The following SI variants were observed in gnomAD, a reference collection of about 807,000 sequenced individuals.
SI encodes the protein sucrase-isomaltase.
SI carries 235 observed loss-of-function variants against 253.3 expected under a neutral mutation model. That is an observed-to-expected ratio of 0.93 (90% CI 0.83 to 1.03). The LOEUF (loss-of-function observed/expected upper bound fraction) is 1.03. Ranked by LOEUF, SI falls within the 50% of genes least tolerant of loss-of-function variation. The probability of loss-of-function intolerance (pLI) is 0.00; values close to 1 mark genes in which losing one functional copy is unlikely to be tolerated. For synonymous variants in SI, 819 were observed against 712.0 expected (o/e 1.15, Z -2.39); for missense variants, 2,442 against 2,211.1 (o/e 1.10, Z -2.09).
At chr3:165,004,937 G>A (rs569234959) in intron 37 of SI, among the ~76,000 whole-genome samples, 10 of 152,066 alleles carry the variant, frequency 6.6e-5, no homozygotes, top group African/African-American at 2.2e-4. Context: ...TCATGGGGGC[G>A]GTTTCCCCTA....
chr3:164,991,096 A>G (rs919275326), intron 44 of SI, among the ~76,000 whole-genome samples: 2 of 152,108 alleles, frequency 1.3e-5, no homozygotes, highest in African/African-American at 4.8e-5. Flanking sequence ...TACATGTGCA[A>G]CATCTGCCTG....
chr3:164,997,717 C>A (rs1718074860), intron 38 of SI, among the ~76,000 whole-genome samples: 1 of 151,702 alleles, frequency 6.6e-6, no homozygotes, highest in Non-Finnish European at 1.5e-5. Context: ...GTTTAGCTCC[C>A]AGTTATAAGT....
chr3:165,032,452 C>T (rs1425177724), intron 24 of SI, 70 bp downstream of exon 24: 2 of 1,028,314 alleles, frequency 1.9e-6, no homozygotes, highest in Admixed American at 1.9e-5. Context: ...AGGATAAGTG[C>T]CTGAATGGTT....
intron 37 of SI, 93 bp downstream of exon 37, chr3:165,006,723 A>C: frequency 1.1e-5 from 12 of 1,104,002 alleles, no homozygotes; most frequent in East Asian, 2.5e-5. Flanking sequence ...AAGAGATACA[A>C]GAGAAGATTG....
chr3:165,081,388 G>C (rs1302474536), upstream of SI, among the ~76,000 whole-genome samples: 5 of 151,922 alleles, frequency 3.3e-5, no homozygotes, highest in Non-Finnish European at 7.4e-5. Context: ...AATTAGAACA[G>C]ATTAATGTTC....
chr3:165,056,533 G>T (rs1348352366), intron 12 of SI, among the ~76,000 whole-genome samples: 1 of 152,146 alleles, frequency 6.6e-6, no homozygotes, highest in Non-Finnish European at 1.5e-5. Context: ...GTCTTGGATT[G>T]CATACACCAC....
chr3:165,049,936 A>G, intron 13 of SI, 61 bp from the exon 14 acceptor site: 1 of 1,029,164 alleles, frequency 9.7e-7, no homozygotes, highest in Non-Finnish European at 1.5e-6. Context: ...TATTAGCAGA[A>G]ACTCTCTAGT....
At chr3:165,026,114 C>T (rs996873185) in intron 25 of SI, among the ~76,000 whole-genome samples, 1 of 151,038 alleles carries the variant, frequency 6.6e-6, no homozygotes, top group Non-Finnish European at 1.5e-5. Context: ...AGGACTCACA[C>T]AAACTCAAGA....
chr3:164,983,055 T>TTTC lies in SI; in HGVS notation c.5198-5_5198-4insGAA. The TTTC allele has an allele frequency of 1.3e-6, 2 of 1,543,010 alleles. No homozygotes were observed. The highest frequency in any genetic ancestry group is 8.9e-7 in the Non-Finnish European group (1 of 1,123,820). ...TATAGGTCTCTTTCATAGGTGTCTG[T>TTTC]AGAGAGAGAAAAAAAATGTGATATA... On this transcript the variant is annotated splice_region_variant and splice_polypyrimidine_tract_variant and intron_variant, in intron 45 of 47. Coordinates refer to ENST00000264382, the MANE Select transcript of SI (RefSeq NM_001041.4).
chr3:165,089,877 A>G, the SI span, among the ~76,000 whole-genome samples: 6 of 152,058 alleles, frequency 3.9e-5, no homozygotes, highest in Admixed American at 6.6e-5. Flanking sequence ...TCACATCCTC[A>G]GTTTGAAAAA....
At chr3:164,980,146 A>G (rs1247166533) in intron 47 of SI, among the ~76,000 whole-genome samples, 1 of 151,856 alleles carries the variant, frequency 6.6e-6, no homozygotes, top group Non-Finnish European at 1.5e-5. Context: ...TGAATCCTTT[A>G]CTACCTACCA....
At chr3:164,984,393 T>C (rs1717340202) in intron 45 of SI, among the ~76,000 whole-genome samples, 1 of 152,170 alleles carries the variant, frequency 6.6e-6, no homozygotes, top group African/African-American at 2.4e-5. Context: ...TAATTTAATA[T>C]GTATTACAAG....
chr3:165,006,786 T>G (rs1195760724), intron 37 of SI, 30 bp downstream of exon 37: 3 of 1,592,482 alleles, frequency 1.9e-6, no homozygotes, highest in Non-Finnish European at 2.6e-6. Context: ...AATAAAAGAG[T>G]CAGAGAGGAT....
intron 34 of SI, among the ~76,000 whole-genome samples, chr3:165,011,005 T>C (rs553176908): frequency 6.6e-6 from 1 of 152,326 alleles, no homozygotes; most frequent in Non-Finnish European, 1.5e-5. Flanking sequence ...CCCAAATTTT[T>C]CACAGTTACC....
At chr3:165,036,345 C>T in intron 22 of SI, 44 bp downstream of exon 22, 1 of 1,346,596 alleles carries the variant, frequency 7.4e-7, no homozygotes, top group Non-Finnish European at 1.1e-6. Context: ...CAAAACTTCC[C>T]ATTATCAGAG....
chr3:165,065,227 G>T, intron 7 of SI, 34 bp downstream of exon 7: 2 of 1,379,746 alleles, frequency 1.4e-6, no homozygotes, highest in Non-Finnish European at 2.1e-6. Context: ...GCAATATAGT[G>T]ATTTTATTTA....
chr3:165,016,654 G>A (rs1264183118), intron 31 of SI, among the ~76,000 whole-genome samples: 1 of 151,890 alleles, frequency 6.6e-6, no homozygotes, highest in African/African-American at 2.4e-5. Context: ...GTAATTGCAA[G>A]TATGTTTAAA....
At chr3:165,058,899 G>T in intron 12 of SI, 64 bp downstream of exon 12, 1 of 1,051,970 alleles carries the variant, frequency 9.5e-7, no homozygotes. Context: ...CACATCCACA[G>T]AAACTTTATT....
At chr3:165,060,309 G>A (rs1435744750) in intron 9 of SI, among the ~76,000 whole-genome samples, 1 of 151,784 alleles carries the variant, frequency 6.6e-6, no homozygotes, top group African/African-American at 2.4e-5. Flanking sequence ...GCCAAGATAT[G>A]TTTTGTCTAT....
Sources: allele counts gnomAD v4.1 joint callset (sites outside exome capture counted in the v4.1 genomes callset), GRCh38; gene constraint gnomAD v4.1.1; transcripts MANE v1.5; gene names NCBI Gene and HGNC (gene_info 2026-07-23, HGNC 2026-07-21).